The following SYTL3 variants were observed in gnomAD, a reference collection of about 807,000 sequenced individuals.
SYTL3 encodes synaptotagmin-like protein 3.
In SYTL3, 88 loss-of-function variants were observed where a neutral mutation model predicts 82.1. The ratio of observed to expected loss-of-function variants is 1.07; its 90% confidence interval spans 0.90 to 1.28. SYTL3 has a LOEUF of 1.28. Among genes scored for constraint, SYTL3 ranks in the 50% most tolerant of loss-of-function variants. The pLI is 0.00. For synonymous variants in SYTL3, 311 were observed against 289.4 expected (o/e 1.07, Z -0.76); for missense variants, 831 against 757.6 (o/e 1.10, Z -1.14).
intron 7 of SYTL3, among the ~76,000 whole-genome samples, chr6:158,708,072 C>A (rs1377382220): frequency 6.6e-6 from 1 of 152,154 alleles, no homozygotes; most frequent in East Asian, 1.9e-4. Flanking sequence ...TGTTTCAGAA[C>A]ACATGACTGA....
intron 6 of SYTL3, among the ~76,000 whole-genome samples, chr6:158,702,131 T>C (rs145804565): frequency 6.6e-6 from 1 of 151,748 alleles, no homozygotes; most frequent in Non-Finnish European, 1.5e-5. Flanking sequence ...TGCAGGCACA[T>C]GCCACCATGC....
intron 11 of SYTL3, among the ~76,000 whole-genome samples, chr6:158,733,959 G>A (rs1475576484): frequency 3.3e-5 from 5 of 151,676 alleles, no homozygotes; most frequent in Non-Finnish European, 7.4e-5. Context: ...TTAGCCAGGC[G>A]TGATGGCGGG....
At chr6:158,745,333 G>A in intron 11 of SYTL3, 147 bp from the exon 12 acceptor site, 6 of 670,678 alleles carry the variant, frequency 8.9e-6, no homozygotes, top group South Asian at 2.1e-5. Flanking sequence ...ACTTATTTTG[G>A]CAAAGTACAA....
chr6:158,730,968 A>G (rs1371436644), intron 11 of SYTL3, among the ~76,000 whole-genome samples: 1 of 152,216 alleles, frequency 6.6e-6, no homozygotes, highest in Non-Finnish European at 1.5e-5. Flanking sequence ...GAGATTAAAC[A>G]TCACACAAAC....
intron 6 of SYTL3, among the ~76,000 whole-genome samples, chr6:158,689,929 T>G (rs1779683307): frequency 6.6e-6 from 1 of 152,184 alleles, no homozygotes; most frequent in Non-Finnish European, 1.5e-5. Context: ...GCTGGGATTA[T>G]AGGCCTGAGC....
At chr6:158,748,736 T>C (rs147856595) in intron 12 of SYTL3, among the ~76,000 whole-genome samples, 1,606 of 149,050 alleles carry the variant, frequency 0.011, 15 homozygotes, top group Non-Finnish European at 0.017. Flanking sequence ...TCCCAGCTAC[T>C]AGGGAGGCTG....
At chr6:158,749,390 GAAAAAA>G (rs1167978441) in intron 12 of SYTL3, among the ~76,000 whole-genome samples, 1 of 52,152 alleles carries the variant, frequency 1.9e-5, no homozygotes, top group Non-Finnish European at 3.6e-5. Context: ...GACTCTGTCT[GAAAAAA>G]AAAAAAAAAA....
intron 12 of SYTL3, among the ~76,000 whole-genome samples, chr6:158,747,781 C>T (rs1787862886): frequency 6.6e-6 from 1 of 152,184 alleles, no homozygotes; most frequent in Admixed American, 6.6e-5. Context: ...GCCACTGCAC[C>T]TGGCCTCCCA....
chr6:158,690,072 T>A (rs1175617908), intron 6 of SYTL3, among the ~76,000 whole-genome samples: 1 of 152,238 alleles, frequency 6.6e-6, no homozygotes, highest in East Asian at 1.9e-4. Context: ...GGCCACTGAT[T>A]GGCACAGCGT....
intron 11 of SYTL3, among the ~76,000 whole-genome samples, chr6:158,727,541 C>T (rs891607114): frequency 7.2e-5 from 11 of 152,108 alleles, no homozygotes; most frequent in African/African-American, 1.9e-4. Context: ...AGGAAGAAGG[C>T]ATCCTTCTGA....
rs1163322792 is a variant in SYTL3 at position 158,668,701 on chromosome 6, G to T, written c.329+3088G>T. On this transcript the variant is annotated intron_variant, in intron 5 of 17. Coordinates refer to ENST00000611299, the MANE Select transcript of SYTL3 (RefSeq NM_001242394.2). ...AAAGAGCAATCTGAGAGTTGCTGCA[G>T]TGAATGAGAGGCACCGAGGGAGGAG... Among the ~76,000 whole-genome samples, 3 of 152,314 alleles carry T rather than the reference G, an allele frequency of 2.0e-5. No homozygotes were observed. The East Asian group carries it at 5.8e-4, about 29-fold the overall frequency.
chr6:158,723,329 G>T (rs1784350880), intron 10 of SYTL3, among the ~76,000 whole-genome samples: 1 of 151,874 alleles, frequency 6.6e-6, no homozygotes, highest in Admixed American at 6.6e-5. Flanking sequence ...GCCTGCCTCA[G>T]CCTCCCAAAG....
At chr6:158,675,424 T>G (rs1293831890) in intron 5 of SYTL3, among the ~76,000 whole-genome samples, 1 of 152,234 alleles carries the variant, frequency 6.6e-6, no homozygotes, top group African/African-American at 2.4e-5. Flanking sequence ...GATCAGTCTT[T>G]TTTTTCCTGT....
chr6:158,651,200 TAAAC>T (rs1787968870), intron 1 of SYTL3, among the ~76,000 whole-genome samples: 1 of 152,200 alleles, frequency 6.6e-6, no homozygotes, highest in Admixed American at 6.5e-5. Flanking sequence ...GCAAAGTACT[TAAAC>T]TATCTGGTTC....
chr6:158,730,276 G>T (rs1785235420), intron 11 of SYTL3, among the ~76,000 whole-genome samples: 2 of 152,218 alleles, frequency 1.3e-5, no homozygotes, highest in African/African-American at 4.8e-5. Context: ...ACAGCAGCGG[G>T]GACAAGCTGC....
At chr6:158,763,551 T>C (rs1790301197) in intron 17 of SYTL3, 42 bp downstream of exon 17, 1 of 1,541,832 alleles carries the variant, frequency 6.5e-7, no homozygotes. Flanking sequence ...TACTTTGTGA[T>C]TATCCTAATG....
chr6:158,653,494 G>A (rs755089776), intron 2 of SYTL3, among the ~76,000 whole-genome samples: 10 of 151,200 alleles, frequency 6.6e-5, no homozygotes, highest in Non-Finnish European at 1.3e-4. Flanking sequence ...CAACAAGAGC[G>A]AACTCCGTCT....
chr6:158,712,639 T>G (rs1335609681), intron 8 of SYTL3, among the ~76,000 whole-genome samples: 1 of 152,232 alleles, frequency 6.6e-6, no homozygotes, highest in Non-Finnish European at 1.5e-5. Flanking sequence ...GATTTTGATC[T>G]TTCATCGTTT....
intron 11 of SYTL3, among the ~76,000 whole-genome samples, chr6:158,743,598 CTTTT>C (rs397887964): frequency 3.2e-5 from 2 of 63,094 alleles, no homozygotes; most frequent in Admixed American, 3.5e-4. Flanking sequence ...CCAGTCCAAG[CTTTT>C]TTTTTTTTTT....
Sources: allele counts gnomAD v4.1 joint callset (sites outside exome capture counted in the v4.1 genomes callset), GRCh38; gene constraint gnomAD v4.1.1; transcripts MANE v1.5; gene names NCBI Gene and HGNC (gene_info 2026-07-23, HGNC 2026-07-21).